DLC1: variants seen among roughly 807,000 people sequenced by gnomAD.
DLC1 encodes DLC1 Rho GTPase activating protein.
In DLC1, 54 loss-of-function variants were observed where a neutral mutation model predicts 140.3. The ratio of observed to expected loss-of-function variants is 0.38; its 90% CI spans 0.31 to 0.48. The LOEUF (loss-of-function observed/expected upper bound fraction) is 0.48, where lower values mean the gene tolerates loss of function less well. Ranked by LOEUF, DLC1 falls within the 20% of genes least tolerant of loss-of-function variation. The pLI is 0.96. For synonymous variants in DLC1, 986 were observed against 728.1 expected (o/e 1.35, Z -5.70); for missense variants, 2,536 against 1,907.0 (o/e 1.33, Z -6.14).
intron 5 of DLC1, among the ~76,000 whole-genome samples, chr8:13,256,319 C>T (rs1296024214): frequency 6.6e-6 from 1 of 152,198 alleles, no homozygotes; most frequent in East Asian, 1.9e-4. Context: ...TTTCTTGTCA[C>T]TGATTTTTAA....
At chr8:13,129,562 A>G (rs1821906542) in intron 5 of DLC1, among the ~76,000 whole-genome samples, 1 of 152,232 alleles carries the variant, frequency 6.6e-6, no homozygotes, top group Non-Finnish European at 1.5e-5. Context: ...AAAGTCAGAG[A>G]TACAACTGTC....
At chr8:13,254,193 A>G (rs994266070) in intron 5 of DLC1, among the ~76,000 whole-genome samples, 1 of 151,862 alleles carries the variant, frequency 6.6e-6, no homozygotes, top group Admixed American at 6.6e-5. Context: ...TAAAAAAAAA[A>G]AGAATAAAGA....
intron 4 of DLC1, among the ~76,000 whole-genome samples, chr8:13,367,753 A>G (rs1835553081): frequency 6.6e-6 from 1 of 152,110 alleles, no homozygotes; most frequent in Admixed American, 6.5e-5. Flanking sequence ...AAATTGGTCA[A>G]TTTCAGGATG....
At chr8:13,357,454 C>A (rs1182965693) in intron 4 of DLC1, among the ~76,000 whole-genome samples, 1 of 152,206 alleles carries the variant, frequency 6.6e-6, no homozygotes, top group Non-Finnish European at 1.5e-5. Flanking sequence ...TGAGCCCCAG[C>A]ACGTTGTGAG....
chr8:13,399,848 G>T (rs544174094), intron 3 of DLC1, among the ~76,000 whole-genome samples: 1 of 152,168 alleles, frequency 6.6e-6, no homozygotes, highest in Admixed American at 6.5e-5. Context: ...CTCAAACTGG[G>T]GTGGGGTAGG....
chr8:13,389,364 T>A (rs950041539), intron 4 of DLC1, among the ~76,000 whole-genome samples: 3 of 152,180 alleles, frequency 2.0e-5, no homozygotes, highest in Non-Finnish European at 2.9e-5. Context: ...TGTTGCACAG[T>A]GAATCAAAGC....
chr8:13,086,600 A>G (rs1817588524), intron 16 of DLC1, 137 bp from the exon 17 acceptor site: 1 of 910,638 alleles, frequency 1.1e-6, no homozygotes, highest in African/African-American at 1.7e-5. Flanking sequence ...AGGCCTAGGT[A>G]AATGGCATCC....
In DLC1 at chr8:13,426,560, T is replaced by A. The variant is rs527792934; in HGVS notation, c.1024-24941A>T. On this transcript the variant is annotated intron_variant, in intron 2 of 17. Transcript: ENST00000276297. ...TTGCCTCCTTTCTCACCCTGTGCCATCTTTTCTCAGAAGGTCCCAGAATTT... is the reference window on the plus strand; with the variant it reads ...TTGCCTCCTTTCTCACCCTGTGCCAACTTTTCTCAGAAGGTCCCAGAATTT... 2.0e-5 allele frequency among the ~76,000 whole-genome samples: 3 copies of A among 152,170 alleles called. No homozygotes were observed. In the South Asian group the frequency reaches 6.2e-4, roughly 31 times the overall value.
chr8:13,185,044 A>G (rs1194888948), intron 5 of DLC1, among the ~76,000 whole-genome samples: 1 of 146,778 alleles, frequency 6.8e-6, no homozygotes. Context: ...TCCCTTTACC[A>G]TTGTGTAATG....
At chr8:13,498,554 G>A (rs1304633335) in intron 2 of DLC1, among the ~76,000 whole-genome samples, 1 of 152,140 alleles carries the variant, frequency 6.6e-6, no homozygotes, top group Non-Finnish European at 1.5e-5. Context: ...GGGGGTGGGA[G>A]TAGTTTAGCC....
chr8:13,343,907 C>T (rs112736055), intron 4 of DLC1, among the ~76,000 whole-genome samples: 3 of 151,906 alleles, frequency 2.0e-5, no homozygotes, highest in African/African-American at 7.3e-5. Context: ...CTTTAGGGAC[C>T]CAAATTTGAA....
At chr8:13,538,248 C>A (rs965435353) in intron 1 of DLC1, among the ~76,000 whole-genome samples, 1 of 151,810 alleles carries the variant, frequency 6.6e-6, no homozygotes, top group Non-Finnish European at 1.5e-5. Flanking sequence ...GCAAGGGGAC[C>A]CTCTGATATT....
rs1405383806 is a variant in DLC1, at chr8:13,405,907, C to CT, written c.1024-4289dup. Among the ~76,000 whole-genome samples, 262 of 86,272 alleles carry CT rather than the reference C, an allele frequency of 3.0e-3. 1 individual carries two copies. Among genetic ancestry groups the CT allele is most frequent in the African/African-American group, 0.011 (249 of 23,684 alleles). The allele number at this position is 86,272 out of a possible 152,430, so 56.6% of individuals were successfully genotyped here. ...TTCTTTTCTTTCTTTCTTTTTCTTT[C>CT]TTTCTTTTCTTTTCTTTCTTTCTTT... On this transcript the variant is annotated intron_variant, in intron 2 of 17. Coordinates refer to ENST00000276297, the MANE Select transcript of DLC1 (RefSeq NM_182643.3).
At chr8:13,249,618 C>G (rs1829916747) in intron 5 of DLC1, among the ~76,000 whole-genome samples, 1 of 152,104 alleles carries the variant, frequency 6.6e-6, no homozygotes, top group Admixed American at 6.6e-5. Context: ...CTCAGACTTC[C>G]AACCTATTTC....
At chr8:13,421,516 A>C (rs1838319595) in intron 2 of DLC1, among the ~76,000 whole-genome samples, 1 of 152,268 alleles carries the variant, frequency 6.6e-6, no homozygotes, top group East Asian at 1.9e-4. Context: ...AAAAAGCATA[A>C]ACAGCTATGA....
intron 5 of DLC1, among the ~76,000 whole-genome samples, chr8:13,121,878 C>T (rs1244678211): frequency 1.2e-4 from 19 of 152,080 alleles, no homozygotes; most frequent in Admixed American, 1.2e-3. Flanking sequence ...AAACACCGAC[C>T]ATCCCCTCCC....
At position 13,567,056 on chromosome 8, in the gene DLC1, C is replaced by T. The variant is rs201250059; in HGVS notation, c.-126+37481G>A. 4,857 of 1,551,740 alleles carry T rather than the reference C, an allele frequency of 3.1e-3. 26 individuals carry two copies. Among genetic ancestry groups the T allele is most frequent in the South Asian group, 8.7e-3 (735 of 84,060 alleles). On this transcript the variant is annotated intron_variant, in intron 1 of 1. Coordinates refer to the DLC1 transcript ENST00000631382. ...GCTCTTGCAAACCTTTCTGATGAGACTGAGACTTTGAAGAACTCTACTGAT... is the reference window on the plus strand; with the variant it reads ...GCTCTTGCAAACCTTTCTGATGAGATTGAGACTTTGAAGAACTCTACTGAT...
At chr8:13,301,003 A>G (rs1832170403) in intron 5 of DLC1, among the ~76,000 whole-genome samples, 1 of 152,152 alleles carries the variant, frequency 6.6e-6, no homozygotes, top group South Asian at 2.1e-4. Flanking sequence ...TGCTGACAGC[A>G]CGGTGTGTAG....
chr8:13,577,015 A>G (rs1804864167), intron 1 of DLC1, among the ~76,000 whole-genome samples: 1 of 152,226 alleles, frequency 6.6e-6, no homozygotes, highest in Non-Finnish European at 1.5e-5. Flanking sequence ...CTGATTGGAC[A>G]TAATCTACTG....
Sources: allele counts gnomAD v4.1 joint callset (sites outside exome capture counted in the v4.1 genomes callset), GRCh38; gene constraint gnomAD v4.1.1; transcripts MANE v1.5; gene names NCBI Gene and HGNC (gene_info 2026-07-23, HGNC 2026-07-21).